Variants in STAT1 observed in about 807,000 individuals in gnomAD.
STAT1 encodes signal transducer and activator of transcription 1-alpha/beta.
STAT1 carries 24 observed loss-of-function variants against 111.7 expected under a neutral mutation model. The observed-to-expected ratio is 0.21, with a 90% CI of 0.16 to 0.30. STAT1 has a LOEUF of 0.30. STAT1 is among the 10% of genes least tolerant of loss of function. The probability of loss-of-function intolerance (pLI) is 1.00; values close to 1 mark genes in which losing one functional copy is unlikely to be tolerated. For missense variants in STAT1, 351 were observed against 911.9 expected (o/e 0.38, Z 7.92); for synonymous variants, 332 against 326.5 (o/e 1.02, Z -0.18).
rs371279547 is a variant in STAT1 at position 190,989,653 on chromosome 2, C to T, written c.1059G>A (p.Glu353=). 439 of 1,596,700 alleles carry T rather than the reference C, an allele frequency of 2.7e-4. 1 individual carries two copies. The highest frequency in any genetic ancestry group is 3.4e-4 in the Non-Finnish European group (395 of 1,167,864). Residue 353 remains glutamate (E), a synonymous_variant, in exon 12 of 25, where the codon GAG becomes GAA. Transcript: ENST00000361099. The surrounding 1 kb of genome is among the most constrained non-coding windows in gnomAD (Gnocchi z 5.0). ...VKLRLLVKLQ[E]LNYNLKVKVL... ...CTTTGACTTTCAAATTATAATTCAG[C>T]TCTTGCAATTTCACCAACAGTCTGG...
intron 2 of STAT1, 53 bp downstream of exon 2, chr2:191,013,467 ATAATT>A (rs2125112991): frequency 2.5e-6 from 1 of 395,798 alleles, no homozygotes; most frequent in South Asian, 1.4e-4. Flanking sequence ...ACATAGAAAC[ATAATT>A]AAGATTCCGA....
Position 191,006,973 on chromosome 2 carries a change from C to G in STAT1, c.372+590G>C, listed in dbSNP as rs76010771. Among the ~76,000 whole-genome samples the G allele has an allele frequency of 6.6e-6, 1 of 152,168 alleles. No individual in the cohort carries two copies. Among genetic ancestry groups the G allele is most frequent in the South Asian group, 2.1e-4 (1 of 4,836 alleles). ...CCTGCCCCTGCCCCCTCCTTGCCTT[C>G]CCAGCTCCGTGTACAGCATTACCAT... On this transcript the variant is annotated intron_variant, in intron 5 of 24. Coordinates refer to ENST00000361099, the MANE Select transcript of STAT1 (RefSeq NM_007315.4). This position sits in a 1 kb window ranked among gnomAD's most constrained non-coding sequence, Gnocchi z 4.6.
In STAT1 at chr2:191,007,541, G is replaced by A. The variant is rs1301383196; in HGVS notation, c.372+22C>T. 2.0e-6 allele frequency: 3 copies of A among 1,522,558 alleles called. No homozygotes were observed. The highest frequency in any genetic ancestry group is 2.7e-6 in the Non-Finnish European group (3 of 1,097,372). The allele number at this position is 1,522,558 out of a possible 1,614,324, so 94.3% of individuals were successfully genotyped here. ...ACATTTTTATTTTATTACAGTTTAT[G>A]TGTTCAATGAGAAAAAAGTACCTGA... On this transcript the variant is annotated intron_variant, in intron 5 of 24. Transcript: ENST00000361099. The surrounding 1 kb of genome is among the most constrained non-coding windows in gnomAD (Gnocchi z 4.2).
At position 191,007,639 on chromosome 2, in the gene STAT1, A is replaced by G; in HGVS notation, c.296T>C (p.Ile99Thr). Residue 99 changes from isoleucine (I) to threonine (T), a missense_variant, in exon 5 of 25, where the codon ATC (isoleucine) becomes ACC (threonine). This residue lies in a region of STAT1 where 44 missense variants were observed against 144.2 expected (regional missense o/e 0.31). Coordinates refer to ENST00000361099, the MANE Select transcript of STAT1 (RefSeq NM_007315.4). This position sits in a 1 kb window ranked among gnomAD's most constrained non-coding sequence, Gnocchi z 4.2. Reference protein sequence around the residue: ...NLQDNFQEDPIQMSMIIYSCL... With the variant: ...NLQDNFQEDPTQMSMIIYSCL... ...GCTGTAAATGATCATAGACATCTGGATTGGGTCTTCCTGAAAATTATCCTA... is the reference window on the plus strand; with the variant it reads ...GCTGTAAATGATCATAGACATCTGGGTTGGGTCTTCCTGAAAATTATCCTA... 6.2e-7 allele frequency: 1 copy of G among 1,613,468 alleles called. No individual in the cohort carries two copies. Among genetic ancestry groups the G allele is most frequent in the Non-Finnish European group, 8.5e-7 (1 of 1,179,686 alleles).
intron 3 of STAT1, 46 bp downstream of exon 3, chr2:191,009,830 C>A: frequency 6.2e-7 from 1 of 1,611,312 alleles, no homozygotes; most frequent in Non-Finnish European, 8.5e-7. Context: ...TCAACCAGTA[C>A]TTTTAAGGTG....
At position 191,006,747 on chromosome 2, in the gene STAT1, C is replaced by A. The variant is rs957735651; in HGVS notation, c.372+816G>T. The stretch of plus-strand genomic sequence containing the variant: ...ATGCCATAGCAAATTCAAAACTCTG[C>A]TGAACCCTGACAACTAGGAAGGTTT... On this transcript the variant is annotated intron_variant, in intron 5 of 24. Transcript: ENST00000361099. The surrounding 1 kb of genome is among the most constrained non-coding windows in gnomAD (Gnocchi z 4.6). Among the ~76,000 whole-genome samples, 4 of 152,336 alleles carry A rather than the reference C, an allele frequency of 2.6e-5. No individual in the cohort carries two copies. Among genetic ancestry groups the A allele is most frequent in the East Asian group, 1.9e-4 (1 of 5,192 alleles).
rs1442710512 is a variant in STAT1 at position 191,008,975 on chromosome 2, C to T, written c.261G>A (p.Lys87=). 3.7e-6 allele frequency: 6 copies of T among 1,613,690 alleles called. No individual in the cohort carries two copies. The highest frequency in any genetic ancestry group is 5.1e-6 in the Non-Finnish European group (6 of 1,179,856). The change falls in exon 4 of 25, where the codon AAG becomes AAA. Residue 87 remains lysine (K), a synonymous_variant. Transcript: ENST00000361099. The stretch of plus-strand genomic sequence containing the variant: ...AACCAGGTCATACCTGAAGATTACG[C>T]TTGCTTTTCCTTATGTTATGCTGTA... ...FLLQHNIRKS[K]RNLQDNFQED... is the part of the protein sequence containing the mutation.
rs745621249 is a variant in STAT1 at position 191,000,931 on chromosome 2, T to G, written c.462+143A>C. ...TTGATTTTGCCAATTTGTTTACTTA[T>G]AGCTTGAGACTTCTGCAAAATTTTT... On this transcript the variant is annotated intron_variant, in intron 6 of 24. Transcript: ENST00000361099. The surrounding 1 kb of genome is among the most constrained non-coding windows in gnomAD (Gnocchi z 4.8). 43 of 701,752 alleles carry G rather than the reference T, an allele frequency of 6.1e-5. No individual in the cohort carries two copies. The Middle Eastern group carries it at 9.8e-4, about 16-fold the overall frequency. The allele number at this position is 701,752 out of a possible 1,614,324, so 43.5% of individuals were successfully genotyped here.
Position 190,999,002 on chromosome 2 carries a change from G to A in STAT1, c.541+624C>T, listed in dbSNP as rs558257186. Among the ~76,000 whole-genome samples the A allele has an allele frequency of 6.6e-6, 1 of 152,224 alleles. No homozygotes were observed. The highest frequency in any genetic ancestry group is 2.4e-5 in the African/African-American group (1 of 41,534). On this transcript the variant is annotated intron_variant, in intron 7 of 24. Transcript: ENST00000361099. The surrounding 1 kb of genome is among the most constrained non-coding windows in gnomAD (Gnocchi z 4.1). ...TGCCTATGAACCATGGTATACCCCA[G>A]ATGATGAATAGAGTAACAGCAGTAC...
Position 191,012,397 on chromosome 2 carries a change from CAGAGAG to C in STAT1, c.-2+1122_-2+1127del, listed in dbSNP as rs935985361. Among the ~76,000 whole-genome samples the C allele has an allele frequency of 6.7e-6, 1 of 148,708 alleles. No homozygotes were observed. The highest frequency in any genetic ancestry group is 1.5e-5 in the Non-Finnish European group (1 of 67,578). ...CGCCACTGTACTCCAGCCTGGGAGA[CAGAGAG>C]AGACTCTGTCTCTAAAAAAAAAAAA... On this transcript the variant is annotated intron_variant, in intron 2 of 24. Transcript: ENST00000361099. The surrounding 1 kb of genome is among the most constrained non-coding windows in gnomAD (Gnocchi z 4.0).
intron 4 of STAT1, among the ~76,000 whole-genome samples, chr2:191,008,608 G>C (rs151265193): frequency 6.6e-4 from 100 of 152,302 alleles, no homozygotes; most frequent in African/African-American, 2.1e-3. Flanking sequence ...GTTCCCTGGA[G>C]CTTTAATGTA....
intron 2 of STAT1, 51 bp from the exon 3 acceptor site, chr2:191,010,055 T>C: frequency 6.2e-7 from 1 of 1,606,220 alleles, no homozygotes; most frequent in Non-Finnish European, 8.5e-7. Flanking sequence ...AAACCATAGC[T>C]CCAAAGAAAG....
chr2:191,002,915 G>A (rs960799699), intron 5 of STAT1, among the ~76,000 whole-genome samples: 9 of 152,066 alleles, frequency 5.9e-5, no homozygotes, highest in Non-Finnish European at 1.2e-4. Context: ...TTTTCTCCTT[G>A]TAGCTATTAA....
Position 190,987,138 on chromosome 2 carries a change from G to C in STAT1, c.1098-70C>G, listed in dbSNP as rs1692911740. 2.6e-6 allele frequency: 3 copies of C among 1,139,984 alleles called. No individual in the cohort carries two copies. The highest frequency in any genetic ancestry group is 4.0e-6 in the Non-Finnish European group (3 of 757,556). 70.6% of individuals were successfully genotyped at this position (1,139,984 alleles called of 1,614,324 possible). A position where few individuals can be genotyped will look rare whatever the true frequency, so the allele number is the denominator to read the frequency against. On this transcript the variant is annotated intron_variant, in intron 12 of 24. Transcript: ENST00000361099. This position sits in a 1 kb window ranked among gnomAD's most constrained non-coding sequence, Gnocchi z 4.0. Reference sequence around the variant, plus strand: ...GAAATAAGCTTTAACAAAATTATAAGAGTATAAGAGCATAAGAGTGTAAGT... The same window carrying C: ...GAAATAAGCTTTAACAAAATTATAACAGTATAAGAGCATAAGAGTGTAAGT...
In STAT1 at chr2:190,987,298, T is replaced by C. The variant is rs1692932081; in HGVS notation, c.1098-230A>G. Among the ~76,000 whole-genome samples the C allele has an allele frequency of 6.6e-6, 1 of 152,220 alleles. No homozygotes were observed. The highest frequency in any genetic ancestry group is 1.5e-5 in the Non-Finnish European group (1 of 68,042). ...GCAAATAAATGGTCTGGGCCTTACA[T>C]TGTTCATTTGCACAACATACTAACA... On this transcript the variant is annotated intron_variant, in intron 12 of 24. Transcript: ENST00000361099. The surrounding 1 kb of genome is among the most constrained non-coding windows in gnomAD (Gnocchi z 4.0).
chr2:190,993,842 T>C lies in STAT1; in HGVS notation c.944+1219A>G, dbSNP rs1693593500. 6.6e-6 allele frequency among the ~76,000 whole-genome samples: 1 copy of C among 152,068 alleles called. No individual in the cohort carries two copies. ...CCCTTCTTTTCCACTCAGTGACATT[T>C]ATCTATCTACTAAGTGTGTCTAGAG... On this transcript the variant is annotated intron_variant, in intron 10 of 24. Coordinates refer to ENST00000361099, the MANE Select transcript of STAT1 (RefSeq NM_007315.4). This position sits in a 1 kb window ranked among gnomAD's most constrained non-coding sequence, Gnocchi z 4.1.
intron 24 of STAT1, among the ~76,000 whole-genome samples, chr2:190,972,896 C>A (rs1691615013): frequency 6.6e-6 from 1 of 150,716 alleles, no homozygotes. Context: ...AATAAAATCA[C>A]CTGAAATGGA....
chr2:190,984,302 A>G lies in STAT1; in HGVS notation c.1347+8T>C, dbSNP rs16833147. The G allele has an allele frequency of 3.1e-6, 5 of 1,610,058 alleles. No individual in the cohort carries two copies. Among genetic ancestry groups the G allele is most frequent in the Admixed American group, 3.3e-5 (2 of 60,024 alleles). On this transcript the variant is annotated splice_region_variant and intron_variant, in intron 16 of 24. Transcript: ENST00000361099. The surrounding 1 kb of genome is among the most constrained non-coding windows in gnomAD (Gnocchi z 5.2). The stretch of plus-strand genomic sequence containing the variant: ...AAGTTTTCCAACTCGGGACCATAAA[A>G]GTCTTACCTCGAGGTCAATTACCAA...
At chr2:190,991,111 T>C (rs1693293945) in intron 11 of STAT1, 117 bp downstream of exon 11, 2 of 799,268 alleles carry the variant, frequency 2.5e-6, no homozygotes, top group Non-Finnish European at 4.3e-6. Context: ...CATATTAAAG[T>C]GCCCCCTGAA....
Sources: allele counts gnomAD v4.1 joint callset (sites outside exome capture counted in the v4.1 genomes callset), GRCh38; gene constraint gnomAD v4.1.1; regional missense constraint gnomAD v4.1.1; non-coding constraint Gnocchi (gnomAD v3.1); transcripts MANE v1.5; gene names NCBI Gene and HGNC (gene_info 2026-07-23, HGNC 2026-07-21).